TMEM108: variants seen among roughly 807,000 people sequenced by gnomAD.
TMEM108 encodes cancer/testis antigen 124.
In TMEM108, 12 loss-of-function variants were observed where a neutral mutation model predicts 35.1. The observed-to-expected ratio is 0.34, with a 90% CI of 0.22 to 0.55. The LOEUF (loss-of-function observed/expected upper bound fraction) is 0.55, where lower values mean the gene tolerates loss of function less well. Ranked by LOEUF, TMEM108 falls within the 20% of genes least tolerant of loss-of-function variation. The pLI is 0.89. For synonymous variants in TMEM108, 287 were observed against 308.6 expected (o/e 0.93, Z 0.73); for missense variants, 680 against 753.3 (o/e 0.90, Z 1.14).
At chr3:133,124,494 G>T (rs9864890) in intron 2 of TMEM108, among the ~76,000 whole-genome samples, 1 of 151,966 alleles carries the variant, frequency 6.6e-6, no homozygotes, top group Non-Finnish European at 1.5e-5. Context: ...GCCTGTGGAC[G>T]TTTTTTCACC....
At chr3:133,166,492 GT>G (rs1945039628) in intron 2 of TMEM108, among the ~76,000 whole-genome samples, 1 of 152,196 alleles carries the variant, frequency 6.6e-6, no homozygotes, top group African/African-American at 2.4e-5. Context: ...TGTGTCCGGA[GT>G]TTGTTCCTTC....
At chr3:133,146,938 G>A (rs1944730080) in intron 2 of TMEM108, among the ~76,000 whole-genome samples, 1 of 151,906 alleles carries the variant, frequency 6.6e-6, no homozygotes, top group African/African-American at 2.4e-5. Context: ...TTTTTTGAAG[G>A]CTTTTTCATG....
chr3:133,279,060 G>T (rs1576428925), intron 3 of TMEM108, among the ~76,000 whole-genome samples: 1 of 152,206 alleles, frequency 6.6e-6, no homozygotes, highest in East Asian at 1.9e-4. Flanking sequence ...GGCCCTTCAA[G>T]GCCTAGTGTT....
chr3:133,332,063 T>G (rs1247035961), intron 3 of TMEM108, among the ~76,000 whole-genome samples: 1 of 137,280 alleles, frequency 7.3e-6, no homozygotes, highest in Non-Finnish European at 1.6e-5. Flanking sequence ...TGTGTGCTTG[T>G]GCGCGTGCGT....
At chr3:133,393,676 G>GA (rs2107864389) in intron 5 of TMEM108, among the ~76,000 whole-genome samples, 1 of 152,276 alleles carries the variant, frequency 6.6e-6, no homozygotes, top group East Asian at 1.9e-4. Context: ...GTAGTAAGTG[G>GA]AAAAAAATAT....
At chr3:133,054,292 C>T (rs542708859) in intron 2 of TMEM108, among the ~76,000 whole-genome samples, 65 of 152,146 alleles carry the variant, frequency 4.3e-4, no homozygotes, top group African/African-American at 1.5e-3. Flanking sequence ...TGATTCTATC[C>T]CAGTGCTGAG....
chr3:133,099,307 G>T (rs748719408), intron 2 of TMEM108, among the ~76,000 whole-genome samples: 4 of 152,152 alleles, frequency 2.6e-5, no homozygotes, highest in Non-Finnish European at 2.9e-5. Context: ...CACGCAGCAT[G>T]GGGACCCTGG....
intron 2 of TMEM108, among the ~76,000 whole-genome samples, chr3:133,195,606 C>G (rs2107819869): frequency 6.6e-6 from 1 of 152,272 alleles, no homozygotes; most frequent in Non-Finnish European, 1.5e-5. Context: ...GATGGGTAAG[C>G]TCCTTGAGTC....
At chr3:133,266,077 C>A (rs563469213) in intron 3 of TMEM108, among the ~76,000 whole-genome samples, 1 of 151,620 alleles carries the variant, frequency 6.6e-6, no homozygotes, top group Admixed American at 6.6e-5. Context: ...TTTGCCTTGA[C>A]TCCAAGAAAG....
At chr3:133,165,351 T>C (rs951581917) in intron 2 of TMEM108, among the ~76,000 whole-genome samples, 28 of 152,192 alleles carry the variant, frequency 1.8e-4, no homozygotes, top group African/African-American at 6.8e-4. Flanking sequence ...AGATTAGGCC[T>C]GGGCAGACTT....
chr3:133,069,269 T>G (rs536779181), intron 2 of TMEM108, among the ~76,000 whole-genome samples: 60 of 152,220 alleles, frequency 3.9e-4, no homozygotes, highest in Admixed American at 8.5e-4. Context: ...GGTCCTAGAT[T>G]AATATCTTAC....
chr3:133,218,105 A>G (rs2107847725), intron 2 of TMEM108, among the ~76,000 whole-genome samples: 1 of 151,988 alleles, frequency 6.6e-6, no homozygotes, highest in South Asian at 2.1e-4. Flanking sequence ...AATAGTTTGT[A>G]GTTTTCTGTG....
chr3:133,080,740 A>C (rs1943798980), intron 2 of TMEM108, among the ~76,000 whole-genome samples: 1 of 152,192 alleles, frequency 6.6e-6, no homozygotes, highest in African/African-American at 2.4e-5. Flanking sequence ...GTGTATATCT[A>C]GAGGAAAGCC....
intron 2 of TMEM108, among the ~76,000 whole-genome samples, chr3:133,184,552 A>G (rs1001478950): frequency 1.3e-5 from 2 of 152,204 alleles, no homozygotes; most frequent in East Asian, 3.8e-4. Flanking sequence ...CACCTAATTG[A>G]AAGTGTTGTT....
At chr3:133,160,552 A>G (rs974601539) in intron 2 of TMEM108, among the ~76,000 whole-genome samples, 5 of 152,230 alleles carry the variant, frequency 3.3e-5, no homozygotes, top group African/African-American at 1.2e-4. Context: ...GTTTATTGCA[A>G]TAGGGCATAG....
rs1230588951 is a variant in TMEM108, at chr3:133,230,383, A to G, written c.40+1032A>G. On this transcript the variant is annotated intron_variant, in intron 3 of 5. Transcript: ENST00000321871. ...CTGAATTCTAATCCCTAAAACACAT[A>G]TCACGTCAGCCTGTTTCAGCCTGGT... 3.9e-5 allele frequency among the ~76,000 whole-genome samples: 6 copies of G among 152,278 alleles called. No individual in the cohort carries two copies. The East Asian group carries it at 1.2e-3, about 29-fold the overall frequency.
intron 2 of TMEM108, among the ~76,000 whole-genome samples, chr3:133,070,188 A>C (rs1943659419): frequency 6.6e-6 from 1 of 152,068 alleles, no homozygotes; most frequent in Non-Finnish European, 1.5e-5. Context: ...CCTTTTTTTC[A>C]GATAATTCAA....
chr3:133,386,828 C>A, intron 4 of TMEM108: 1 of 687,738 alleles, frequency 1.5e-6, no homozygotes, highest in Non-Finnish European at 1.8e-6. Context: ...ATCATCAAGA[C>A]CTGGACTCAA....
chr3:133,258,396 G>A (rs1321625614), intron 3 of TMEM108, among the ~76,000 whole-genome samples: 2 of 152,208 alleles, frequency 1.3e-5, no homozygotes, highest in African/African-American at 4.8e-5. Context: ...GGCATGTTGT[G>A]AAGGCAGGAA....
Sources: allele counts gnomAD v4.1 joint callset (sites outside exome capture counted in the v4.1 genomes callset), GRCh38; gene constraint gnomAD v4.1.1; transcripts MANE v1.5; gene names NCBI Gene and HGNC (gene_info 2026-07-23, HGNC 2026-07-21).